Variants in STAU1 observed in about 807,000 individuals in gnomAD.
STAU1 encodes double-stranded RNA-binding protein Staufen homolog 1.
In STAU1, 13 loss-of-function variants were observed where a neutral mutation model predicts 62.9. The observed-to-expected ratio is 0.21, with a 90% CI of 0.13 to 0.33. The LOEUF (loss-of-function observed/expected upper bound fraction) is 0.33, where lower values mean the gene tolerates loss of function less well. Among genes scored for constraint, STAU1 ranks in the 10% least tolerant of loss-of-function variants. The probability of loss-of-function intolerance (pLI) is 1.00; values close to 1 mark genes in which losing one functional copy is unlikely to be tolerated. For missense variants in STAU1, 571 were observed against 712.1 expected, an observed-to-expected ratio of 0.80 and a Z score of 2.25; for synonymous variants, 269 against 265.1, an observed-to-expected ratio of 1.01 and a Z score of -0.14.
intron 1 of STAU1, among the ~76,000 whole-genome samples, chr20:49,180,014 A>C (rs1316277058): frequency 6.6e-6 from 1 of 152,210 alleles, no homozygotes; most frequent in Non-Finnish European, 1.5e-5. Context: ...TTTCAAGACT[A>C]ACCATAAGAG....
intron 6 of STAU1, chr20:49,134,434 G>GA (rs3091730): frequency 0.034 from 14,793 of 434,222 alleles, 160 homozygotes; most frequent in East Asian, 0.12. Flanking sequence ...TCATCTCAGG[G>GA]AAAAAAAAAA....
At chr20:49,127,877 C>T (rs991739906) in intron 6 of STAU1, among the ~76,000 whole-genome samples, 1 of 151,760 alleles carries the variant, frequency 6.6e-6, no homozygotes, top group Non-Finnish European at 1.5e-5. Flanking sequence ...TGGCTGGGCT[C>T]GGTGGCTCAC....
At chr20:49,129,062 G>GA (rs1229244230) in intron 6 of STAU1, among the ~76,000 whole-genome samples, 1 of 151,432 alleles carries the variant, frequency 6.6e-6, no homozygotes, top group Non-Finnish European at 1.5e-5. Context: ...ACTTATCTGA[G>GA]AAAAAACTTG....
At chr20:49,141,552 G>A (rs533144725) in intron 5 of STAU1, among the ~76,000 whole-genome samples, 1 of 152,202 alleles carries the variant, frequency 6.6e-6, no homozygotes, top group Non-Finnish European at 1.5e-5. Flanking sequence ...AGCTATGATC[G>A]TGCCACTGCA....
chr20:49,147,019 A>T (rs967110980), intron 5 of STAU1, among the ~76,000 whole-genome samples: 11 of 152,280 alleles, frequency 7.2e-5, no homozygotes, highest in African/African-American at 2.6e-4. Flanking sequence ...ATAAACAAAT[A>T]ACCCATGCAC....
chr20:49,118,637 A>G (rs1299976950), intron 9 of STAU1, among the ~76,000 whole-genome samples: 1 of 152,194 alleles, frequency 6.6e-6, no homozygotes, highest in African/African-American at 2.4e-5. Context: ...AAGAGCATCT[A>G]ACAAAGTGCA....
intron 5 of STAU1, among the ~76,000 whole-genome samples, chr20:49,149,040 C>T (rs2093185693): frequency 6.6e-6 from 1 of 152,140 alleles, no homozygotes; most frequent in African/African-American, 2.4e-5. Context: ...CACCTGAGCT[C>T]AGGAGCTTGA....
intron 12 of STAU1, among the ~76,000 whole-genome samples, chr20:49,116,237 C>T (rs567528475): frequency 1.3e-5 from 2 of 151,832 alleles, no homozygotes; most frequent in African/African-American, 2.4e-5. Flanking sequence ...TAGGCTCAAG[C>T]GATCCTTCCA....
chr20:49,211,485 G>T, the STAU1 span, among the ~76,000 whole-genome samples: 1 of 151,372 alleles, frequency 6.6e-6, no homozygotes. Flanking sequence ...CTCCTCAAGT[G>T]ATCCTCCTGC....
At chr20:49,161,378 G>C (rs1485896309) in intron 3 of STAU1, among the ~76,000 whole-genome samples, 1 of 152,088 alleles carries the variant, frequency 6.6e-6, no homozygotes, top group African/African-American at 2.4e-5. Flanking sequence ...TGACCCATTG[G>C]CAAGGATGAA....
intron 13 of STAU1, among the ~76,000 whole-genome samples, chr20:49,115,386 C>T (rs529930757): frequency 1.4e-4 from 21 of 152,170 alleles, no homozygotes; most frequent in African/African-American, 4.6e-4. Context: ...CTGCAACCTC[C>T]GCCTCCCAGG....
At position 49,115,880 on chromosome 20, in the gene STAU1, G is replaced by A; in HGVS notation, c.1633-13C>T. ...TGTTCAGCGCAGCCTAGTGGGGATG[G>A]AAAGAAGGGTAAAGCCACAGCCACC... On this transcript the variant is annotated splice_polypyrimidine_tract_variant and intron_variant, in intron 12 of 13. Transcript: ENST00000371856. 6.2e-7 allele frequency: 1 copy of A among 1,613,256 alleles called. No homozygotes were observed. The highest frequency in any genetic ancestry group is 8.5e-7 in the Non-Finnish European group (1 of 1,179,300).
the STAU1 span, among the ~76,000 whole-genome samples, chr20:49,195,902 A>AAAAAAAAAAAAGAAAAG: frequency 7.4e-5 from 7 of 95,228 alleles, no homozygotes; most frequent in African/African-American, 2.0e-4. Flanking sequence ...TCCTCTCAAA[A>AAAAAAAAAAAAGAAAAG]AAAAAAAAAA....
intron 6 of STAU1, chr20:49,134,884 G>C (rs2092840173): frequency 6.3e-7 from 1 of 1,588,704 alleles, no homozygotes; most frequent in African/African-American, 1.3e-5. Context: ...ATTTACAACA[G>C]CTAAGGCAAG....
chr20:49,198,035 T>TA, the STAU1 span, among the ~76,000 whole-genome samples: 2 of 152,164 alleles, frequency 1.3e-5, no homozygotes, highest in Non-Finnish European at 2.9e-5. Context: ...TAAGAACTCT[T>TA]ACAGCTTAGC....
At chr20:49,160,162 G>C (rs913227176) in intron 3 of STAU1, among the ~76,000 whole-genome samples, 5 of 152,184 alleles carry the variant, frequency 3.3e-5, no homozygotes, top group Non-Finnish European at 5.9e-5. Flanking sequence ...CAAAAAAGTA[G>C]TAACTTGCAC....
At chr20:49,125,494 C>T (rs1188730616) in intron 6 of STAU1, among the ~76,000 whole-genome samples, 2 of 141,122 alleles carry the variant, frequency 1.4e-5, no homozygotes, top group Non-Finnish European at 3.0e-5. Flanking sequence ...CACAAAACTG[C>T]ACTCCAGCCT....
At chr20:49,175,274 T>C (rs900567345) in intron 1 of STAU1, among the ~76,000 whole-genome samples, 1 of 151,312 alleles carries the variant, frequency 6.6e-6, no homozygotes, top group Non-Finnish European at 1.5e-5. Flanking sequence ...GAGGTTGCAG[T>C]GAGCCAAGAT....
chr20:49,183,658 C>G (rs904862639), intron 1 of STAU1, among the ~76,000 whole-genome samples: 2 of 152,196 alleles, frequency 1.3e-5, no homozygotes, highest in Non-Finnish European at 2.9e-5. Context: ...TTTGATAACA[C>G]CCAGAATGAT....
Sources: allele counts gnomAD v4.1 joint callset (sites outside exome capture counted in the v4.1 genomes callset), GRCh38; gene constraint gnomAD v4.1.1; transcripts MANE v1.5; gene names NCBI Gene and HGNC (gene_info 2026-07-23, HGNC 2026-07-21).